TMEM272: variants seen among roughly 807,000 people sequenced by gnomAD.
TMEM272 encodes long intergenic non-protein coding RNA 282.
A neutral mutation model predicts 3.7 loss-of-function variants in TMEM272; 8 were observed. The ratio of observed to expected loss-of-function variants is 2.17; its 90% CI spans 1.27 to 3.91. TMEM272 has a LOEUF of 3.91. Ranked by LOEUF, TMEM272 falls within the 30% of genes most tolerant of loss-of-function variation. TMEM272 has a pLI of 0.00. For missense variants in TMEM272, 166 were observed against 91.5 expected, an observed-to-expected ratio of 1.81 and a Z score of -3.32; for synonymous variants, 63 against 39.8, an observed-to-expected ratio of 1.58 and a Z score of -2.20.
At position 51,838,459 on chromosome 13, in the gene TMEM272, G is replaced by C; in HGVS notation, c.58+14C>G. The C allele has an allele frequency of 1.4e-6, 1 of 703,032 alleles. No homozygotes were observed. The highest frequency in any genetic ancestry group is 2.6e-6 in the Non-Finnish European group (1 of 385,016). The allele number at this position is 703,032 out of a possible 1,614,324, so 43.5% of individuals were successfully genotyped here. On this transcript the variant is annotated intron_variant, in intron 2 of 4. Coordinates refer to ENST00000629372, the MANE Select transcript of TMEM272 (RefSeq NM_001351003.2). Reference sequence around the variant, plus strand: ...TCCTACAAAACCAGGGCATTTCTCAGAGTTGTGACTCACCATTGCTGGCGA... The same window carrying C: ...TCCTACAAAACCAGGGCATTTCTCACAGTTGTGACTCACCATTGCTGGCGA...
the TMEM272 span, among the ~76,000 whole-genome samples, chr13:51,897,598 C>T: frequency 1.3e-5 from 2 of 151,650 alleles, no homozygotes; most frequent in Non-Finnish European, 2.9e-5. Context: ...AGATGATTTC[C>T]TTTATAATCT....
At chr13:51,920,148 C>T in the TMEM272 span, among the ~76,000 whole-genome samples, 2 of 151,644 alleles carry the variant, frequency 1.3e-5, no homozygotes, top group East Asian at 3.9e-4. Context: ...TTTTACCTCT[C>T]AGCAGAAAGA....
chr13:51,839,996 C>T (rs1285832037), intron 1 of TMEM272, among the ~76,000 whole-genome samples: 1 of 152,216 alleles, frequency 6.6e-6, no homozygotes, highest in African/African-American at 2.4e-5. Context: ...CAACCAGAGG[C>T]ATATCACCAG....
chr13:51,871,502 T>C, the TMEM272 span, among the ~76,000 whole-genome samples: 1 of 152,142 alleles, frequency 6.6e-6, no homozygotes, highest in Non-Finnish European at 1.5e-5. Context: ...GCAGCTGCCA[T>C]GTCACAAGGA....
the TMEM272 span, among the ~76,000 whole-genome samples, chr13:51,871,483 T>C: frequency 6.6e-6 from 1 of 152,180 alleles, no homozygotes; most frequent in Non-Finnish European, 1.5e-5. Flanking sequence ...TCACTTGCTC[T>C]GGAGGAAGGC....
chr13:51,878,179 C>T, the TMEM272 span, among the ~76,000 whole-genome samples: 1 of 152,098 alleles, frequency 6.6e-6, no homozygotes, highest in Non-Finnish European at 1.5e-5. Flanking sequence ...ACCTGTAATC[C>T]CAGCACTTTG....
At position 51,838,381 on chromosome 13, in the gene TMEM272, A is replaced by C. The variant is rs1375091168; in HGVS notation, c.58+92T>G. The C allele has an allele frequency of 5.7e-6, 4 of 700,978 alleles. No individual in the cohort carries two copies. The Admixed American group carries it at 6.0e-5, about 11-fold the overall frequency. The allele number at this position is 700,978 out of a possible 1,614,324, so 43.4% of individuals were successfully genotyped here. A position where few individuals can be genotyped will look rare whatever the true frequency, so the allele number is the denominator to read the frequency against. The stretch of plus-strand genomic sequence containing the variant: ...GGCCACCCCATACCAAGCACAGCCC[A>C]CTCATATGATCCACTCCAGCTTTAG... On this transcript the variant is annotated intron_variant, in intron 2 of 4. Transcript: ENST00000629372.
the TMEM272 span, among the ~76,000 whole-genome samples, chr13:51,903,939 CCA>C: frequency 2.5e-4 from 3 of 11,904 alleles, no homozygotes; most frequent in African/African-American, 3.7e-4. Context: ...CAACAGTCTT[CCA>C]CGTGTGTGTG....
At chr13:51,879,580 T>C in the TMEM272 span, among the ~76,000 whole-genome samples, 1 of 152,006 alleles carries the variant, frequency 6.6e-6, no homozygotes, top group Non-Finnish European at 1.5e-5. Flanking sequence ...GGAATAGGGG[T>C]TGAAGTTAAG....
At chr13:51,873,124 C>T in the TMEM272 span, among the ~76,000 whole-genome samples, 1 of 152,222 alleles carries the variant, frequency 6.6e-6, no homozygotes, top group Non-Finnish European at 1.5e-5. Flanking sequence ...ATTAATGGAA[C>T]TCCTAAAGTA....
At chr13:51,847,601 T>C (rs900159638), upstream of TMEM272, among the ~76,000 whole-genome samples, 2 of 152,170 alleles carry the variant, frequency 1.3e-5, no homozygotes, top group African/African-American at 4.8e-5. Context: ...CATATACCCA[T>C]GGTTCAGTGA....
At chr13:51,826,034 TCC>T (rs1289839321) in intron 3 of TMEM272, among the ~76,000 whole-genome samples, 1 of 149,750 alleles carries the variant, frequency 6.7e-6, no homozygotes, top group Non-Finnish European at 1.5e-5. Context: ...TTAAGGAGCT[TCC>T]CCCATCCTGC....
chr13:51,857,616 A>T, the TMEM272 span, among the ~76,000 whole-genome samples: 1 of 152,146 alleles, frequency 6.6e-6, no homozygotes, highest in African/African-American at 2.4e-5. Flanking sequence ...AATCTCCAGG[A>T]TAATTGCTAA....
the TMEM272 span, among the ~76,000 whole-genome samples, chr13:51,856,082 T>C: frequency 2.0e-5 from 3 of 152,280 alleles, 1 homozygote; most frequent in South Asian, 6.2e-4. Flanking sequence ...TATAGATGAT[T>C]TGGTGGGCAG....
chr13:51,831,986 A>G (rs1956177119), intron 2 of TMEM272, among the ~76,000 whole-genome samples: 1 of 152,232 alleles, frequency 6.6e-6, no homozygotes, highest in African/African-American at 2.4e-5. Context: ...TAGTGGGAGG[A>G]TATTAGAATC....
the TMEM272 span, among the ~76,000 whole-genome samples, chr13:51,885,349 G>A: frequency 1.9e-4 from 29 of 152,160 alleles, no homozygotes; most frequent in African/African-American, 6.5e-4. Flanking sequence ...GGCTGGGGAG[G>A]CCTCAGGAAA....
intron 3 of TMEM272, among the ~76,000 whole-genome samples, chr13:51,823,886 C>T (rs1038300259): frequency 9.2e-5 from 14 of 152,194 alleles, no homozygotes; most frequent in Admixed American, 4.6e-4. Context: ...CAAATATACA[C>T]GTTGATCCAA....
intron 1 of TMEM272, among the ~76,000 whole-genome samples, chr13:51,844,055 CCAA>C (rs1162528262): frequency 6.6e-6 from 1 of 152,156 alleles, no homozygotes; most frequent in Admixed American, 6.5e-5. Context: ...AGGGCAGTCC[CCAA>C]CAACACTTAT....
chr13:51,894,076 C>G, the TMEM272 span, among the ~76,000 whole-genome samples: 3 of 152,190 alleles, frequency 2.0e-5, no homozygotes, highest in African/African-American at 7.2e-5. Context: ...ACACACCACA[C>G]CCCCTGCATT....
Sources: gnomAD v4.1 joint callset for allele counts (sites outside exome capture counted in the v4.1 genomes callset) on GRCh38, gnomAD v4.1.1 for gene constraint, MANE v1.5 for transcripts, NCBI Gene and HGNC (gene_info 2026-07-23, HGNC 2026-07-21) for gene names.